CCDC170: variants seen among roughly 807,000 people sequenced by gnomAD.
CCDC170 encodes the protein coiled-coil domain containing 170, also known as coiled-coil domain-containing protein 170.
Under a neutral mutation model 72.6 loss-of-function variants are expected in CCDC170, and 69 were observed. The ratio of observed to expected loss-of-function variants is 0.95; its 90% CI spans 0.78 to 1.16. The LOEUF (loss-of-function observed/expected upper bound fraction) is 1.16. Ranked by LOEUF, CCDC170 falls within the 50% of genes most tolerant of loss-of-function variation. CCDC170 has a pLI of 0.00. For missense variants in CCDC170, 852 were observed against 832.5 expected, an observed-to-expected ratio of 1.02 and a Z score of -0.29; for synonymous variants, 300 against 303.9, an observed-to-expected ratio of 0.99 and a Z score of 0.13.
chr6:151,598,570 C>T (rs543504837), intron 9 of CCDC170, among the ~76,000 whole-genome samples: 7 of 152,124 alleles, frequency 4.6e-5, no homozygotes, highest in East Asian at 1.9e-4. Flanking sequence ...GGTGAGAGAC[C>T]GTCACAAATT....
At chr6:151,505,591 G>A (rs1248608894) in intron 1 of CCDC170, among the ~76,000 whole-genome samples, 1 of 152,152 alleles carries the variant, frequency 6.6e-6, no homozygotes, top group East Asian at 1.9e-4. Flanking sequence ...GGTTGAGGCA[G>A]GAGAATGGCG....
chr6:151,505,762 T>C lies in CCDC170; in HGVS notation c.57+11577T>C, dbSNP rs114494020. ...ATATGCAAAACCATGCTTTTGAAAT[T>C]GTAATTCTACTTCTGTTCCAGAAAG... On this transcript the variant is annotated intron_variant, in intron 1 of 10. Coordinates refer to ENST00000239374, the MANE Select transcript of CCDC170 (RefSeq NM_025059.4). Among the ~76,000 whole-genome samples the C allele has an allele frequency of 5.3e-3, 807 of 152,250 alleles. 8 individuals are homozygous for C. Among genetic ancestry groups the C allele is most frequent in the African/African-American group, 0.014 (575 of 41,554 alleles).
chr6:151,581,711 T>A (rs989202203), intron 6 of CCDC170, among the ~76,000 whole-genome samples: 2 of 152,232 alleles, frequency 1.3e-5, no homozygotes, highest in African/African-American at 4.8e-5. Flanking sequence ...CCTTATGAAG[T>A]ATATTTCTTA....
chr6:151,608,447 A>T (rs549873570), intron 9 of CCDC170, among the ~76,000 whole-genome samples: 1 of 152,326 alleles, frequency 6.6e-6, no homozygotes, highest in East Asian at 1.9e-4. Context: ...CAATTTTATG[A>T]AACCGCTTTT....
chr6:151,616,099 G>T lies in CCDC170; in HGVS notation c.1947+420G>T, dbSNP rs116657275. ...GGTGAAAAAACAGGTTCTGGTTCTG[G>T]GGAGGTTTTTGTTATGTTAGGTGAT... On this transcript the variant is annotated intron_variant, in intron 10 of 10. Coordinates refer to ENST00000239374, the MANE Select transcript of CCDC170 (RefSeq NM_025059.4). Among the ~76,000 whole-genome samples the T allele has an allele frequency of 2.0e-3, 299 of 152,220 alleles. 1 individual carries two copies. The highest frequency in any genetic ancestry group is 6.6e-3 in the African/African-American group (273 of 41,538).
intron 6 of CCDC170, among the ~76,000 whole-genome samples, chr6:151,577,350 T>C (rs1223170743): frequency 1.3e-5 from 2 of 152,104 alleles, no homozygotes; most frequent in Admixed American, 1.3e-4. Context: ...CTTAGAGGAA[T>C]GTTCTACTGC....
intron 9 of CCDC170, among the ~76,000 whole-genome samples, chr6:151,605,591 A>C (rs1442306584): frequency 6.6e-6 from 1 of 152,102 alleles, no homozygotes; most frequent in African/African-American, 2.4e-5. Flanking sequence ...CAGGGAACTT[A>C]AGATGTTGGG....
At chr6:151,529,284 A>G (rs927873333) in intron 1 of CCDC170, among the ~76,000 whole-genome samples, 2 of 152,218 alleles carry the variant, frequency 1.3e-5, no homozygotes, top group Non-Finnish European at 2.9e-5. Flanking sequence ...ATTCAATAGT[A>G]TAGAAATATT....
chr6:151,600,021 T>C (rs77675802), intron 9 of CCDC170, among the ~76,000 whole-genome samples: 8,732 of 152,238 alleles, frequency 0.057, 307 homozygotes, highest in South Asian at 0.096. Flanking sequence ...TTTGACTGAC[T>C]CAAGAATTAC....
chr6:151,605,156 T>C (rs1776765055), intron 9 of CCDC170, among the ~76,000 whole-genome samples: 1 of 152,256 alleles, frequency 6.6e-6, no homozygotes, highest in Non-Finnish European at 1.5e-5. Context: ...TTTATCTTTC[T>C]GTACCTGGCT....
chr6:151,527,949 G>A (rs1782436796), intron 1 of CCDC170, among the ~76,000 whole-genome samples: 1 of 152,092 alleles, frequency 6.6e-6, no homozygotes. Context: ...TAGCAAGACT[G>A]GCCCAAGACA....
At chr6:151,529,848 G>A (rs1305349966) in intron 1 of CCDC170, among the ~76,000 whole-genome samples, 2 of 152,136 alleles carry the variant, frequency 1.3e-5, no homozygotes, top group African/African-American at 2.4e-5. Context: ...TCCGTTCATA[G>A]TTCTAGAGAC....
chr6:151,529,527 C>T (rs1249539973), intron 1 of CCDC170, among the ~76,000 whole-genome samples: 5 of 152,128 alleles, frequency 3.3e-5, no homozygotes, highest in African/African-American at 9.6e-5. Flanking sequence ...CATTGTGGTG[C>T]ATGCCTGTAG....
intron 1 of CCDC170, among the ~76,000 whole-genome samples, chr6:151,510,863 G>T (rs1412205965): frequency 2.6e-5 from 4 of 152,034 alleles, no homozygotes; most frequent in Non-Finnish European, 5.9e-5. Flanking sequence ...AGCCTCCTGA[G>T]TAGCTGGGAT....
At chr6:151,544,827 A>G (rs539717251) in intron 4 of CCDC170, 111 bp downstream of exon 4, 1 of 1,002,114 alleles carries the variant, frequency 1.0e-6, no homozygotes, top group African/African-American at 1.6e-5. Flanking sequence ...GGCACAGTAG[A>G]CCAAGTGTAG....
At chr6:151,579,623 T>C (rs1350062157) in intron 6 of CCDC170, among the ~76,000 whole-genome samples, 2 of 152,336 alleles carry the variant, frequency 1.3e-5, no homozygotes, top group East Asian at 1.9e-4. Flanking sequence ...AGAGACCTTC[T>C]TGCCTTTGAT....
chr6:151,592,924 C>G, intron 7 of CCDC170, 183 bp from the exon 8 acceptor site: 2 of 619,902 alleles, frequency 3.2e-6, no homozygotes, highest in Non-Finnish European at 5.7e-6. Context: ...AAGGGGTAGG[C>G]AGGGAACTGG....
intron 5 of CCDC170, among the ~76,000 whole-genome samples, chr6:151,559,321 A>T (rs1395949685): frequency 1.3e-5 from 2 of 152,018 alleles, no homozygotes; most frequent in Non-Finnish European, 2.9e-5. Context: ...CAACAACATT[A>T]ATTATTCTGA....
chr6:151,577,098 C>T (rs1776312729), intron 6 of CCDC170, among the ~76,000 whole-genome samples: 1 of 152,146 alleles, frequency 6.6e-6, no homozygotes, highest in Non-Finnish European at 1.5e-5. Context: ...ATCTAATCTT[C>T]TTTTTAGAAG....
Sources: gnomAD v4.1 joint callset for allele counts (sites outside exome capture counted in the v4.1 genomes callset) on GRCh38, gnomAD v4.1.1 for gene constraint, MANE v1.5 for transcripts, NCBI Gene and HGNC (gene_info 2026-07-23, HGNC 2026-07-21) for gene names.